ATG7: variants seen among roughly 807,000 people sequenced by gnomAD.
ATG7 encodes the protein ubiquitin-like modifier-activating enzyme ATG7.
In ATG7, 70 loss-of-function variants were observed where a neutral mutation model predicts 82.4. That is an observed-to-expected ratio of 0.85 (90% confidence interval 0.70 to 1.04). The LOEUF (loss-of-function observed/expected upper bound fraction) is 1.04, where lower values mean the gene tolerates loss of function less well. Among genes scored for constraint, ATG7 ranks in the 50% least tolerant of loss-of-function variants. The pLI, the probability that ATG7 is intolerant of heterozygous loss-of-function variation, is 0.00. For synonymous variants in ATG7, 287 were observed against 313.0 expected (o/e 0.92, Z 0.88); for missense variants, 792 against 864.3 (o/e 0.92, Z 1.05).
chr3:11,396,746 C>T lies in ATG7; in HGVS notation c.1956+16694C>T, dbSNP rs558655783. 4.1e-5 allele frequency among the ~76,000 whole-genome samples: 6 copies of T among 146,434 alleles called. No homozygotes were observed. The South Asian group carries it at 1.3e-3, about 32-fold the overall frequency. On this transcript the variant is annotated intron_variant, in intron 19 of 20. Coordinates refer to ENST00000693202, the MANE Select transcript of ATG7 (RefSeq NM_001349232.2). Reference sequence around the variant, plus strand: ...GCAGTGAGCCGAGATGGCGCCACCGCACTCCAGCCTGGGCTACAGAGCAAG... The same window carrying T: ...GCAGTGAGCCGAGATGGCGCCACCGTACTCCAGCCTGGGCTACAGAGCAAG...
At chr3:11,368,871 C>T (rs1009055635) in intron 18 of ATG7, among the ~76,000 whole-genome samples, 5 of 151,072 alleles carry the variant, frequency 3.3e-5, no homozygotes, top group Admixed American at 2.0e-4. Context: ...TGAATGAACT[C>T]TTGGTTCTAA....
intron 19 of ATG7, among the ~76,000 whole-genome samples, chr3:11,414,452 T>A (rs1206907622): frequency 6.6e-6 from 1 of 152,222 alleles, no homozygotes; most frequent in Non-Finnish European, 1.5e-5. Context: ...AGTGTTTTTA[T>A]TTATTTGGAT....
intron 7 of ATG7, among the ~76,000 whole-genome samples, chr3:11,309,639 G>A (rs897717676): frequency 6.6e-6 from 1 of 151,904 alleles, no homozygotes; most frequent in Admixed American, 6.6e-5. Flanking sequence ...AAAAGGTAAG[G>A]GTCGATTATA....
rs774621794 is a variant in ATG7 at position 11,347,994 on chromosome 3, C to G, written c.1243C>G (p.Leu415Val). 5 of 1,613,944 alleles carry G rather than the reference C, an allele frequency of 3.1e-6. No individual in the cohort carries two copies. Among genetic ancestry groups the G allele is most frequent in the Non-Finnish European group, 4.2e-6 (5 of 1,179,954 alleles). Residue 415 changes from leucine (L) to valine (V), a missense_variant, in exon 14 of 21, where the codon CTG (leucine) becomes GTG (valine). Transcript: ENST00000693202. ...DCLGGGKPKALAAADRLQKIF... is the reference protein window; with the variant it reads ...DCLGGGKPKAVAAADRLQKIF... ...CCTAGGGGGTGGTAAGCCCAAGGCT[C>G]TGGCAGCAGCGGACCGGCTCCAGAA...
At chr3:11,527,264 C>A (rs139229164) in intron 20 of ATG7, among the ~76,000 whole-genome samples, 320 of 152,024 alleles carry the variant, frequency 2.1e-3, no homozygotes, top group African/African-American at 7.1e-3. Context: ...GCCACCACAC[C>A]CAGCTAATTT....
intron 19 of ATG7, among the ~76,000 whole-genome samples, chr3:11,401,128 G>C (rs553163697): frequency 2.6e-4 from 40 of 152,286 alleles, no homozygotes; most frequent in African/African-American, 7.2e-4. Context: ...AAAACTCTCA[G>C]ACCCCGCCCC....
intron 3 of ATG7, 143 bp from the exon 4 acceptor site, chr3:11,298,543 A>T: frequency 4.0e-6 from 3 of 745,402 alleles, no homozygotes; most frequent in Non-Finnish European, 2.2e-6. Flanking sequence ...ACCACAATCC[A>T]AAAAGAAGTT....
intron 8 of ATG7, among the ~76,000 whole-genome samples, chr3:11,314,439 G>A (rs1386592933): frequency 3.9e-5 from 6 of 152,122 alleles, no homozygotes; most frequent in Middle Eastern, 3.4e-3. Flanking sequence ...ACAAATCCGA[G>A]GTTGTGGTTT....
At chr3:11,298,996 C>CT in intron 4 of ATG7, 141 bp downstream of exon 4, 1 of 908,174 alleles carries the variant, frequency 1.1e-6, no homozygotes, top group Non-Finnish European at 1.6e-6. Flanking sequence ...TACTTCCTGA[C>CT]TTTTTGATCC....
At chr3:11,400,386 A>T (rs2079720484) in intron 19 of ATG7, among the ~76,000 whole-genome samples, 2 of 81,354 alleles carry the variant, frequency 2.5e-5, no homozygotes, top group African/African-American at 9.8e-5. Flanking sequence ...TGAGCAGAGA[A>T]GGACTAGCTT....
At chr3:11,573,245 G>A in the ATG7 span, among the ~76,000 whole-genome samples, 3 of 78,698 alleles carry the variant, frequency 3.8e-5, no homozygotes, top group Admixed American at 1.7e-4. Flanking sequence ...AAAAGAAATA[G>A]AGAAAGAAAG....
At chr3:11,412,726 C>T (rs896343398) in intron 19 of ATG7, among the ~76,000 whole-genome samples, 7 of 151,970 alleles carry the variant, frequency 4.6e-5, no homozygotes, top group East Asian at 1.9e-4. Context: ...CAAAAAACAC[C>T]GTTGGATTTG....
chr3:11,460,000 G>T (rs1384062773), intron 20 of ATG7, among the ~76,000 whole-genome samples: 1 of 152,144 alleles, frequency 6.6e-6, no homozygotes, highest in African/African-American at 2.4e-5. Flanking sequence ...GTCTCAAATC[G>T]TACAGAGATT....
rs7628756 is a variant in ATG7, at chr3:11,543,328, G to A, written c.2080-11483G>A. ...CTCTGGACTGGCAGCAGGGGGCTGG[G>A]GTTGGAAAGGCTGGGAGAACTCCTC... On this transcript the variant is annotated intron_variant, in intron 20 of 20. Transcript: ENST00000693202. 7.7e-3 allele frequency among the ~76,000 whole-genome samples: 1,173 copies of A among 152,312 alleles called. 12 individuals are homozygous for A. Among genetic ancestry groups the A allele is most frequent in the African/African-American group, 0.027 (1,127 of 41,564 alleles).
chr3:11,343,009 A>C (rs941575977), intron 13 of ATG7, among the ~76,000 whole-genome samples: 2 of 151,868 alleles, frequency 1.3e-5, no homozygotes, highest in African/African-American at 2.4e-5. Flanking sequence ...AGCTCACTGC[A>C]ACCTCCACCT....
chr3:11,388,195 C>A (rs977708116), intron 19 of ATG7, among the ~76,000 whole-genome samples: 2 of 152,144 alleles, frequency 1.3e-5, no homozygotes, highest in African/African-American at 4.8e-5. Context: ...TTTTCCTCAA[C>A]TGTAGTAAAG....
chr3:11,541,194 C>T (rs1272043865), intron 20 of ATG7, among the ~76,000 whole-genome samples: 7 of 152,154 alleles, frequency 4.6e-5, no homozygotes, highest in African/African-American at 1.7e-4. Context: ...GCCATCGCGC[C>T]CGGCTGGTTT....
intron 19 of ATG7, among the ~76,000 whole-genome samples, chr3:11,424,995 C>T (rs9852530): frequency 0.51 from 77,667 of 151,668 alleles, 20,799 homozygotes; most frequent in East Asian, 0.68. Flanking sequence ...TTTTTGAAGA[C>T]TCTGTCACCC....
At chr3:11,520,905 C>G (rs2092424076) in intron 20 of ATG7, among the ~76,000 whole-genome samples, 1 of 152,206 alleles carries the variant, frequency 6.6e-6, no homozygotes, top group Non-Finnish European at 1.5e-5. Context: ...TGAGTCTTCT[C>G]CATGGGGCCA....
Sources: allele counts gnomAD v4.1 joint callset (sites outside exome capture counted in the v4.1 genomes callset), GRCh38; gene constraint gnomAD v4.1.1; transcripts MANE v1.5; gene names NCBI Gene and HGNC (gene_info 2026-07-23, HGNC 2026-07-21).